IGF2R: variants seen among roughly 807,000 people sequenced by gnomAD.
IGF2R encodes insulin like growth factor 2 receptor, also known as cation-independent mannose-6-phosphate receptor.
In IGF2R, 91 loss-of-function variants were observed where a neutral mutation model predicts 270.6. The observed-to-expected ratio is 0.34, with a 90% CI of 0.28 to 0.40. The LOEUF (loss-of-function observed/expected upper bound fraction) is 0.40, where lower values mean the gene tolerates loss of function less well. Ranked by LOEUF, IGF2R falls within the 10% of genes least tolerant of loss-of-function variation. IGF2R has a pLI of 1.00. For synonymous variants in IGF2R, 1,316 were observed against 1,258.9 expected (o/e 1.05, Z -0.96); for missense variants, 2,805 against 3,188.3 (o/e 0.88, Z 2.90).
chr6:160,106,511 T>A lies in IGF2R; in HGVS notation c.*1427T>A, dbSNP rs1779625245. 1 of 152,484 alleles carries A rather than the reference T, an allele frequency of 6.6e-6. No individual in the cohort carries two copies. The highest frequency in any genetic ancestry group is 6.5e-5 in the Admixed American group (1 of 15,284). The allele number at this position is 152,484 out of a possible 1,614,324, so 9.4% of individuals were successfully genotyped here. A position where few individuals can be genotyped will look rare whatever the true frequency, so the allele number is the denominator to read the frequency against. The stretch of plus-strand genomic sequence containing the variant: ...TTTTTTTCAATCAACTTTACTGTAA[T>A]ATAAAGTATTCAACAATTTCAATAA... On this transcript the variant is annotated 3_prime_UTR_variant, in exon 48 of 48. Transcript: ENST00000356956.
At chr6:160,072,668 G>T in intron 32 of IGF2R, 97 bp from the exon 33 acceptor site, 1 of 1,380,332 alleles carries the variant, frequency 7.2e-7, no homozygotes, top group Non-Finnish European at 1.0e-6. Context: ...CAGAAGTCCC[G>T]ATGCTGACAT....
intron 33 of IGF2R, 131 bp downstream of exon 33, chr6:160,073,015 AGTCACCCCATGTGGGGGACACATG>A: frequency 7.1e-7 from 1 of 1,404,184 alleles, no homozygotes; most frequent in Non-Finnish European, 9.7e-7. Flanking sequence ...CTCCTGCAGC[AGTCACCCCATGTGGGGGACACATG>A]GTCATGTGAT....
rs571538154 is a variant in IGF2R at position 160,043,284 on chromosome 6, A to G, written c.1617A>G (p.Ala539=). ...RGCPEDAAVC[A]VDKNGSKNLG... ...GTCCCGAGGACGCGGCAGTGTGTGC[A>G]GTGGGTGAGTTGTGCCTGGATGGAA... The change falls in exon 12 of 48, where the codon GCA becomes GCG. Residue 539 remains alanine, a synonymous_variant. Transcript: ENST00000356956. 15 of 1,613,626 alleles carry G rather than the reference A, an allele frequency of 9.3e-6. No homozygotes were observed. Among genetic ancestry groups the G allele is most frequent in the Non-Finnish European group, 1.3e-5 (15 of 1,179,784 alleles).
rs1025089889 is a variant in IGF2R, at chr6:159,976,054, GT to G, written c.149+6660del. On this transcript the variant is annotated intron_variant, in intron 1 of 47. Transcript: ENST00000356956. Reference sequence around the variant, plus strand: ...ATTTTTGTATGTGGTGAAACAGTTTGTATATAAGATGGACATTTTCTGTTTC... The same window carrying G: ...ATTTTTGTATGTGGTGAAACAGTTTGATATAAGATGGACATTTTCTGTTTC... Among the ~76,000 whole-genome samples the G allele has an allele frequency of 1.0e-3, 158 of 151,966 alleles. 1 individual carries two copies. The highest frequency in any genetic ancestry group is 3.7e-3 in the African/African-American group (153 of 41,504).
At chr6:160,033,706 T>C (rs967525838) in intron 9 of IGF2R, among the ~76,000 whole-genome samples, 2 of 152,386 alleles carry the variant, frequency 1.3e-5, no homozygotes, top group African/African-American at 4.8e-5. Flanking sequence ...TTACAGTTGA[T>C]AGGGTTTTTT....
chr6:160,043,619 A>G (rs958247655), intron 12 of IGF2R, among the ~76,000 whole-genome samples: 1 of 152,232 alleles, frequency 6.6e-6, no homozygotes, highest in Non-Finnish European at 1.5e-5. Context: ...TTTATTTTTT[A>G]ACAACTTTAT....
intron 2 of IGF2R, among the ~76,000 whole-genome samples, chr6:159,994,068 C>T (rs1448646307): frequency 7.5e-6 from 1 of 132,780 alleles, no homozygotes; most frequent in African/African-American, 2.9e-5. Flanking sequence ...TAGAATTTGG[C>T]TCTCAATCTG....
chr6:160,010,999 G>C (rs1007632468), intron 4 of IGF2R, among the ~76,000 whole-genome samples: 2 of 152,082 alleles, frequency 1.3e-5, no homozygotes, highest in Admixed American at 1.3e-4. Flanking sequence ...GTGATTTTTG[G>C]TCCAGATTGG....
chr6:160,009,756 C>A (rs528242573), intron 3 of IGF2R, among the ~76,000 whole-genome samples: 2 of 152,280 alleles, frequency 1.3e-5, no homozygotes, highest in African/African-American at 4.8e-5. Context: ...AATTGGTATA[C>A]AAATTCTATG....
intron 31 of IGF2R, among the ~76,000 whole-genome samples, chr6:160,071,481 G>A (rs958398737): frequency 4.6e-5 from 7 of 152,216 alleles, no homozygotes; most frequent in Non-Finnish European, 7.4e-5. Context: ...GGGAGGATGC[G>A]TGGAATGGGC....
intron 4 of IGF2R, among the ~76,000 whole-genome samples, chr6:160,021,540 A>T (rs1215100060): frequency 2.6e-5 from 4 of 151,664 alleles, no homozygotes; most frequent in Non-Finnish European, 4.4e-5. Context: ...ACATGTATAC[A>T]TATGTAACAA....
intron 1 of IGF2R, among the ~76,000 whole-genome samples, chr6:159,986,608 T>C (rs1293709640): frequency 1.3e-5 from 2 of 152,170 alleles, no homozygotes; most frequent in Non-Finnish European, 2.9e-5. Context: ...ACACATTCTT[T>C]TGTGTGTGTT....
intron 34 of IGF2R, 140 bp from the exon 35 acceptor site, chr6:160,073,617 C>T: frequency 9.2e-7 from 1 of 1,084,206 alleles, no homozygotes; most frequent in Non-Finnish European, 1.3e-6. Context: ...CTGGAAGTGC[C>T]CAGTGCTATG....
intron 1 of IGF2R, among the ~76,000 whole-genome samples, chr6:159,978,579 G>C (rs537379423): frequency 2.0e-4 from 31 of 152,122 alleles, no homozygotes; most frequent in Admixed American, 5.2e-4. Flanking sequence ...TGCTGTTGTA[G>C]GTGGGAACAG....
chr6:159,986,391 C>T (rs1783884655), intron 1 of IGF2R, among the ~76,000 whole-genome samples: 1 of 148,444 alleles, frequency 6.7e-6, no homozygotes. Context: ...GCGACCATGC[C>T]TGGCTAATTT....
At chr6:159,991,428 T>A (rs1473857903) in intron 2 of IGF2R, 105 bp downstream of exon 2, 1 of 918,476 alleles carries the variant, frequency 1.1e-6, no homozygotes, top group African/African-American at 1.7e-5. Flanking sequence ...AAATTTTGAA[T>A]GTTTAGAAAT....
intron 2 of IGF2R, among the ~76,000 whole-genome samples, chr6:160,001,070 T>C (rs547987181): frequency 6.6e-6 from 1 of 151,968 alleles, no homozygotes; most frequent in Admixed American, 6.5e-5. Context: ...GAAGCAGGGG[T>C]CCTCAACCCC....
intron 6 of IGF2R, among the ~76,000 whole-genome samples, chr6:160,028,240 G>T (rs995434052): frequency 6.6e-6 from 1 of 152,170 alleles, no homozygotes; most frequent in Non-Finnish European, 1.5e-5. Context: ...GTGTCTTCAC[G>T]TGGCCTTCCC....
chr6:160,049,834 C>T (rs1433032241), intron 18 of IGF2R, among the ~76,000 whole-genome samples: 2 of 152,094 alleles, frequency 1.3e-5, no homozygotes, highest in Non-Finnish European at 2.9e-5. Context: ...GCCTGATGTG[C>T]GGCCAGTCAG....
Sources: gnomAD v4.1 joint callset for allele counts (sites outside exome capture counted in the v4.1 genomes callset) on GRCh38, gnomAD v4.1.1 for gene constraint, MANE v1.5 for transcripts, NCBI Gene and HGNC (gene_info 2026-07-23, HGNC 2026-07-21) for gene names.